Variants in METTL9 observed in about 807,000 individuals in gnomAD.
METTL9 encodes protein-L-histidine N-pros-methyltransferase.
A neutral mutation model predicts 36.0 loss-of-function variants in METTL9; 10 were observed. The ratio of observed to expected loss-of-function variants is 0.28; its 90% CI spans 0.17 to 0.47. The LOEUF (loss-of-function observed/expected upper bound fraction) is 0.47, where lower values mean the gene tolerates loss of function less well. METTL9 is among the 20% of genes least tolerant of loss of function. The pLI is 0.99. For synonymous variants in METTL9, 175 were observed against 149.7 expected (o/e 1.17, Z -1.23); for missense variants, 246 against 383.5 (o/e 0.64, Z 3.00).
At chr16:21,634,754 T>G (rs1452761593) in intron 4 of METTL9, among the ~76,000 whole-genome samples, 2 of 152,132 alleles carry the variant, frequency 1.3e-5, no homozygotes, top group African/African-American at 4.8e-5. Context: ...CTTGAGTGAT[T>G]TGGGCGACGG....
At position 21,599,896 on chromosome 16, in the gene METTL9, C is replaced by A. The variant is rs1965062593; in HGVS notation, c.163C>A (p.Gln55Lys). 5 of 1,447,930 alleles carry A rather than the reference C, an allele frequency of 3.5e-6. No individual in the cohort carries two copies. The East Asian group carries it at 1.5e-4, about 45-fold the overall frequency. 89.7% of individuals were successfully genotyped at this position (1,447,930 alleles called of 1,614,324 possible). The stretch of plus-strand genomic sequence containing the variant: ...CGCGGGCGGCAGGAAGGAGAACCAC[C>A]AGGTACGGGCTGGGGCCGGGGCCGG... ...AAAGGRKENH[Q>K]WYVCNREKLC... Residue 55 changes from glutamine to lysine, a missense_variant and splice_region_variant, in exon 1 of 5, where the codon CAG (glutamine) becomes AAG (lysine). By Grantham distance (53) the Gln-to-Lys change is moderately conservative. This residue lies in a region of METTL9 where 100 missense variants were observed against 81.4 expected (regional missense o/e 1.23). Coordinates refer to ENST00000358154, the MANE Select transcript of METTL9 (RefSeq NM_016025.5). The surrounding 1 kb of genome is among the most constrained non-coding windows in gnomAD (Gnocchi z 4.4).
chr16:21,647,058 A>C, intron 4 of METTL9: 2 of 1,589,694 alleles, frequency 1.3e-6, no homozygotes, highest in Non-Finnish European at 1.7e-6. Flanking sequence ...TGATTTCTAC[A>C]TGTGAGTGAG....
intron 4 of METTL9, among the ~76,000 whole-genome samples, chr16:21,633,896 G>A (rs143829829): frequency 0.018 from 2,695 of 152,136 alleles, 53 homozygotes; most frequent in Admixed American, 0.057. Context: ...GCATTTTTTT[G>A]CCCTTCCAAA....
chr16:21,652,129 GT>G (rs369519815), intron 4 of METTL9: 8 of 150,924 alleles, frequency 5.3e-5, no homozygotes, highest in Non-Finnish European at 7.3e-5. Context: ...AGTCATGGCA[GT>G]TTTTTTTTTC....
intron 4 of METTL9, chr16:21,652,794 A>C: frequency 2.1e-6 from 1 of 477,132 alleles, no homozygotes. Context: ...AAATGTGCAT[A>C]TCTTTTTTTT....
At chr16:21,609,510 G>A (rs1440881451) in intron 1 of METTL9, among the ~76,000 whole-genome samples, 3 of 152,048 alleles carry the variant, frequency 2.0e-5, no homozygotes, top group Non-Finnish European at 4.4e-5. Context: ...GCCTTTCGTA[G>A]GTATATTTTC....
intron 4 of METTL9, chr16:21,640,924 C>A (rs964317598): frequency 1.3e-5 from 2 of 152,066 alleles, no homozygotes; most frequent in African/African-American, 4.8e-5. Context: ...TCTGTTTAAC[C>A]TTCAGCTTTG....
At position 21,649,319 on chromosome 16, in the gene METTL9, A is replaced by C. The variant is rs183386926; in HGVS notation, c.752-5908A>C. On this transcript the variant is annotated intron_variant, in intron 4 of 4. Coordinates refer to ENST00000358154, the MANE Select transcript of METTL9 (RefSeq NM_016025.5). ...TCTTCTCATCATGTTATATTTTAGTATTTGTGCAACATGAGATGAGCTGGG... is the reference window on the plus strand; with the variant it reads ...TCTTCTCATCATGTTATATTTTAGTCTTTGTGCAACATGAGATGAGCTGGG... Among the ~76,000 whole-genome samples the C allele has an allele frequency of 1.4e-4, 21 of 152,184 alleles. No individual in the cohort carries two copies. In the East Asian group the frequency reaches 1.9e-3, roughly 14 times the overall value.
chr16:21,604,077 G>A (rs865848098), intron 1 of METTL9, among the ~76,000 whole-genome samples: 15 of 152,248 alleles, frequency 9.9e-5, no homozygotes, highest in Middle Eastern at 3.4e-3. Flanking sequence ...GCAGACTGGA[G>A]TCAGGCATGA....
chr16:21,646,309 T>G (rs1355961930), intron 4 of METTL9: 1 of 152,184 alleles, frequency 6.6e-6, no homozygotes, highest in African/African-American at 2.4e-5. Context: ...AGTCATCACT[T>G]TCCGTTCACT....
At chr16:21,652,755 A>G (rs1046136028) in intron 4 of METTL9, 1 of 560,346 alleles carries the variant, frequency 1.8e-6, no homozygotes, top group Admixed American at 3.1e-5. Context: ...ACCATTTAAC[A>G]TTGAGATTTT....
At chr16:21,600,996 G>T (rs1052028262) in intron 1 of METTL9, among the ~76,000 whole-genome samples, 2 of 152,096 alleles carry the variant, frequency 1.3e-5, no homozygotes, top group African/African-American at 4.8e-5. Flanking sequence ...TTTTAATGAG[G>T]GTAGAGAATT....
At chr16:21,599,568 C>G (rs374375077), upstream of METTL9, 2 of 1,286,114 alleles carry the variant, frequency 1.6e-6, no homozygotes, top group Non-Finnish European at 2.0e-6. The surrounding 1 kb of genome is among the most constrained non-coding windows in gnomAD (Gnocchi z 4.4). Flanking sequence ...GGCTGCGCGC[C>G]GGCTGCTCCT....
chr16:21,627,374 C>A, intron 4 of METTL9: 1 of 984,758 alleles, frequency 1.0e-6, no homozygotes, highest in Non-Finnish European at 1.2e-6. Flanking sequence ...GAAGTTGAAC[C>A]ACAGCAGTTT....
intron 4 of METTL9, among the ~76,000 whole-genome samples, chr16:21,645,319 C>G (rs901471406): frequency 6.6e-6 from 1 of 151,980 alleles, no homozygotes; most frequent in African/African-American, 2.4e-5. Flanking sequence ...TGGGCGTGGT[C>G]GCACATGCCT....
intron 1 of METTL9, among the ~76,000 whole-genome samples, chr16:21,600,494 T>C (rs1445432318): frequency 6.6e-6 from 1 of 152,094 alleles, no homozygotes; most frequent in African/African-American, 2.4e-5. Flanking sequence ...TACGGAACCT[T>C]CCCCTCCTAC....
chr16:21,608,653 G>T (rs1022855534), intron 1 of METTL9, among the ~76,000 whole-genome samples: 2 of 152,088 alleles, frequency 1.3e-5, no homozygotes, highest in African/African-American at 4.8e-5. Flanking sequence ...TGTCATTTGG[G>T]GTAGTGCCAC....
At chr16:21,647,314 C>T (rs1019913195) in intron 4 of METTL9, 10 of 1,614,158 alleles carry the variant, frequency 6.2e-6, no homozygotes, top group Non-Finnish European at 8.5e-6. Context: ...CACTTTTGCA[C>T]CCGTCCAAGC....
At chr16:21,631,980 C>G (rs1965974325) in intron 4 of METTL9, among the ~76,000 whole-genome samples, 2 of 152,120 alleles carry the variant, frequency 1.3e-5, no homozygotes, top group South Asian at 4.1e-4. Context: ...GACTTTGTCT[C>G]TTTCTTTCTT....
Sources: gnomAD v4.1 joint callset for allele counts (sites outside exome capture counted in the v4.1 genomes callset) on GRCh38, gnomAD v4.1.1 for gene constraint, gnomAD v4.1.1 regional missense constraint, Gnocchi (gnomAD v3.1) non-coding constraint, MANE v1.5 for transcripts, NCBI Gene and HGNC (gene_info 2026-07-23, HGNC 2026-07-21) for gene names.